NRXN3: variants seen among roughly 807,000 people sequenced by gnomAD.
NRXN3 encodes neurexin III.
In NRXN3, 32 loss-of-function variants were observed where a neutral mutation model predicts 137.6. The observed-to-expected ratio is 0.23, with a 90% CI of 0.18 to 0.31. The LOEUF (loss-of-function observed/expected upper bound fraction) is 0.31. Among genes scored for constraint, NRXN3 ranks in the 10% least tolerant of loss-of-function variants. The pLI is 1.00. For synonymous variants in NRXN3, 798 were observed against 784.5 expected (o/e 1.02, Z -0.29); for missense variants, 1,574 against 2,062.5 (o/e 0.76, Z 4.59).
intron 4 of NRXN3, among the ~76,000 whole-genome samples, chr14:78,496,673 A>G (rs2095790759): frequency 6.6e-6 from 1 of 152,066 alleles, no homozygotes; most frequent in African/African-American, 2.4e-5. Flanking sequence ...TTAGAAGATT[A>G]TGAGATTATA....
At chr14:79,375,113 C>T (rs951743153) in intron 15 of NRXN3, among the ~76,000 whole-genome samples, 2 of 151,962 alleles carry the variant, frequency 1.3e-5, no homozygotes, top group Admixed American at 6.6e-5. Flanking sequence ...TACGGAGGTC[C>T]AGAGATTTAA....
At chr14:79,071,017 C>G (rs1264498630) in intron 15 of NRXN3, among the ~76,000 whole-genome samples, 1 of 152,106 alleles carries the variant, frequency 6.6e-6, no homozygotes, top group African/African-American at 2.4e-5. Context: ...ACTCTTTTTA[C>G]CCATTAAACA....
At chr14:79,072,939 G>A (rs1014208847) in intron 15 of NRXN3, among the ~76,000 whole-genome samples, 3 of 148,320 alleles carry the variant, frequency 2.0e-5, no homozygotes, top group African/African-American at 2.5e-5. Context: ...AGGCTGGAGT[G>A]CAGTGGTGCA....
intron 8 of NRXN3, among the ~76,000 whole-genome samples, chr14:78,776,695 C>T (rs1033443385): frequency 3.3e-5 from 5 of 152,086 alleles, no homozygotes; most frequent in African/African-American, 1.2e-4. Flanking sequence ...GGATTCATGA[C>T]CTGTTTCATA....
At chr14:79,110,261 G>A (rs1482335173) in intron 15 of NRXN3, among the ~76,000 whole-genome samples, 1 of 152,208 alleles carries the variant, frequency 6.6e-6, no homozygotes, top group Non-Finnish European at 1.5e-5. Context: ...AAGAGGGTTG[G>A]AAGAACACAC....
chr14:79,174,501 T>TTA (rs68143466), intron 15 of NRXN3, among the ~76,000 whole-genome samples: 2,477 of 143,534 alleles, frequency 0.017, 68 homozygotes, highest in African/African-American at 0.057. Context: ...ATTGAAAGTT[T>TTA]TATATATATA....
intron 19 of NRXN3, among the ~76,000 whole-genome samples, chr14:79,796,314 C>T (rs1386421794): frequency 6.6e-6 from 1 of 152,180 alleles, no homozygotes; most frequent in Non-Finnish European, 1.5e-5. Context: ...ATCAGTGGAA[C>T]ACCACGTAGC....
chr14:79,623,539 G>A lies in NRXN3; in HGVS notation c.3445-40239G>A, dbSNP rs78889364. Among the ~76,000 whole-genome samples the A allele has an allele frequency of 3.5e-3, 536 of 152,316 alleles. 3 individuals are homozygous for A. The highest frequency in any genetic ancestry group is 0.013 in the African/African-American group (521 of 41,572). The stretch of plus-strand genomic sequence containing the variant: ...TACATGCAATTGAATATGAGCATGG[G>A]ATGGTATTCTGGACCTAATGTTAAA... On this transcript the variant is annotated intron_variant, in intron 16 of 20. Coordinates refer to ENST00000335750, the MANE Select transcript of NRXN3 (RefSeq NM_001330195.2).
chr14:79,268,209 G>T (rs1344246552), intron 15 of NRXN3, among the ~76,000 whole-genome samples: 1 of 152,100 alleles, frequency 6.6e-6, no homozygotes, highest in East Asian at 1.9e-4. Context: ...TAGTCAGTGT[G>T]TGCTTTATAT....
chr14:78,767,320 T>C (rs1287277036), intron 8 of NRXN3, among the ~76,000 whole-genome samples: 1 of 152,210 alleles, frequency 6.6e-6, no homozygotes, highest in Non-Finnish European at 1.5e-5. Flanking sequence ...GTAAAGGCAG[T>C]AAAGAAATAC....
chr14:78,391,932 A>C (rs147017270), intron 4 of NRXN3, among the ~76,000 whole-genome samples: 1 of 152,122 alleles, frequency 6.6e-6, no homozygotes, highest in East Asian at 1.9e-4. Context: ...TCCAGCCTCA[A>C]GATATTTCAT....
chr14:78,519,138 A>G (rs1394381628), intron 4 of NRXN3, among the ~76,000 whole-genome samples: 1 of 152,204 alleles, frequency 6.6e-6, no homozygotes, highest in Non-Finnish European at 1.5e-5. Flanking sequence ...TAAAATCTTT[A>G]GTATGTAAAA....
At chr14:79,243,844 T>C (rs922270496) in intron 15 of NRXN3, among the ~76,000 whole-genome samples, 1 of 152,138 alleles carries the variant, frequency 6.6e-6, no homozygotes, top group African/African-American at 2.4e-5. Context: ...GGAAATGTCA[T>C]TATGTAGTAC....
chr14:79,250,368 T>C, intron 15 of NRXN3, among the ~76,000 whole-genome samples: 1 of 152,178 alleles, frequency 6.6e-6, no homozygotes, highest in East Asian at 1.9e-4. Flanking sequence ...GTGACAAGGA[T>C]GGATGTTATT....
At chr14:79,680,019 A>G (rs1300507415) in intron 17 of NRXN3, among the ~76,000 whole-genome samples, 1 of 152,056 alleles carries the variant, frequency 6.6e-6, no homozygotes, top group Non-Finnish European at 1.5e-5. Context: ...TCTTTACTCT[A>G]GAGTCTATCT....
intron 19 of NRXN3, among the ~76,000 whole-genome samples, chr14:79,791,844 T>G (rs2140305546): frequency 6.6e-6 from 1 of 152,256 alleles, no homozygotes; most frequent in South Asian, 2.1e-4. Flanking sequence ...CACTTTTAGT[T>G]GCAAAGGAGG....
chr14:79,798,014 C>T (rs1436116934), intron 19 of NRXN3, among the ~76,000 whole-genome samples: 1 of 151,600 alleles, frequency 6.6e-6, no homozygotes, highest in Non-Finnish European at 1.5e-5. Context: ...GCAAGAGGAT[C>T]ACTTAAGCCC....
intron 16 of NRXN3, among the ~76,000 whole-genome samples, chr14:79,516,332 A>G (rs970509556): frequency 4.4e-4 from 67 of 152,130 alleles, no homozygotes; most frequent in African/African-American, 1.4e-3. Flanking sequence ...GGTGACCTCA[A>G]TCACTGCCTG....
At chr14:79,199,194 T>C (rs1397970930) in intron 15 of NRXN3, among the ~76,000 whole-genome samples, 2 of 151,774 alleles carry the variant, frequency 1.3e-5, no homozygotes, top group Non-Finnish European at 2.9e-5. Context: ...CCTTGGGACT[T>C]CTTTCTTTCC....
Sources: gnomAD v4.1 joint callset for allele counts (sites outside exome capture counted in the v4.1 genomes callset) on GRCh38, gnomAD v4.1.1 for gene constraint, MANE v1.5 for transcripts, NCBI Gene and HGNC (gene_info 2026-07-23, HGNC 2026-07-21) for gene names.